Variants in KDM4C observed in about 807,000 individuals in gnomAD.
KDM4C encodes the protein lysine-specific demethylase 4C.
KDM4C carries 81 observed loss-of-function variants against 129.3 expected under a neutral mutation model. That is an observed-to-expected ratio of 0.63 (90% CI 0.52 to 0.75). The LOEUF (loss-of-function observed/expected upper bound fraction) is 0.75, where lower values mean the gene tolerates loss of function less well. KDM4C is among the 30% of genes least tolerant of loss of function. KDM4C has a pLI of 0.00. For synonymous variants in KDM4C, 573 were observed against 456.1 expected (o/e 1.26, Z -3.26); for missense variants, 1,457 against 1,304.0 (o/e 1.12, Z -1.81).
chr9:7,104,592 T>G (rs1234415983), intron 18 of KDM4C, among the ~76,000 whole-genome samples: 2 of 144,732 alleles, frequency 1.4e-5, no homozygotes, highest in East Asian at 2.1e-4. Flanking sequence ...TCCTGTGTTT[T>G]AAATGCTTAG....
chr9:7,132,062 C>T (rs889094034), intron 19 of KDM4C, among the ~76,000 whole-genome samples: 3 of 152,200 alleles, frequency 2.0e-5, no homozygotes, highest in Admixed American at 6.5e-5. Context: ...AGAACTAGTT[C>T]TCTAAGCCTC....
chr9:7,090,424 A>C (rs60898918), intron 17 of KDM4C, among the ~76,000 whole-genome samples: 98 of 152,352 alleles, frequency 6.4e-4, no homozygotes, highest in African/African-American at 2.2e-3. Flanking sequence ...TGGTAGAAAG[A>C]TTCAAGAAGC....
chr9:6,749,703 C>G (rs970769289), intron 1 of KDM4C, among the ~76,000 whole-genome samples: 4 of 151,776 alleles, frequency 2.6e-5, no homozygotes, highest in African/African-American at 7.3e-5. Flanking sequence ...AAAAGGTAAC[C>G]TGGCTGGGCG....
intron 12 of KDM4C, among the ~76,000 whole-genome samples, chr9:7,006,750 A>G (rs547851847): frequency 2.6e-5 from 4 of 152,242 alleles, no homozygotes; most frequent in Non-Finnish European, 5.9e-5. Context: ...AGCTATTTCT[A>G]CTACCTTTGT....
chr9:6,869,328 C>G (rs1315917651), intron 5 of KDM4C, among the ~76,000 whole-genome samples: 3 of 152,204 alleles, frequency 2.0e-5, no homozygotes, highest in Non-Finnish European at 4.4e-5. Flanking sequence ...ATCTCAGGTT[C>G]TGTAGGGCCT....
chr9:6,971,073 T>A (rs1294219526), intron 8 of KDM4C, among the ~76,000 whole-genome samples: 1 of 152,156 alleles, frequency 6.6e-6, no homozygotes, highest in East Asian at 1.9e-4. Flanking sequence ...TTTAAAAAAA[T>A]TTTTGTGCCA....
intron 12 of KDM4C, among the ~76,000 whole-genome samples, chr9:7,001,250 T>C (rs1384713965): frequency 6.6e-6 from 1 of 152,248 alleles, no homozygotes; most frequent in East Asian, 1.9e-4. Context: ...TGTTTTGTTT[T>C]ACAGAGATTT....
chr9:6,757,866 C>T (rs1376071057), upstream of KDM4C: 4 of 985,476 alleles, frequency 4.1e-6, no homozygotes, highest in Non-Finnish European at 4.8e-6. Flanking sequence ...GAAGTTGAGC[C>T]CAAAGCAAGA....
intron 4 of KDM4C, among the ~76,000 whole-genome samples, chr9:6,815,826 A>G (rs149510736): frequency 1.3e-5 from 2 of 152,300 alleles, no homozygotes; most frequent in East Asian, 3.9e-4. Flanking sequence ...GGTAAGGGAT[A>G]CTTGATCTAT....
At chr9:6,825,420 C>T (rs958940132) in intron 4 of KDM4C, among the ~76,000 whole-genome samples, 1 of 152,172 alleles carries the variant, frequency 6.6e-6, no homozygotes, top group African/African-American at 2.4e-5. Context: ...ATCTATTGCA[C>T]ATAGATGATG....
At chr9:6,777,552 A>G (rs914838416) in intron 1 of KDM4C, among the ~76,000 whole-genome samples, 5 of 152,118 alleles carry the variant, frequency 3.3e-5, no homozygotes, top group African/African-American at 1.2e-4. Flanking sequence ...TGTGTTTTAC[A>G]TTTTTGAGAT....
intron 8 of KDM4C, among the ~76,000 whole-genome samples, chr9:6,964,770 A>G: frequency 8.0e-6 from 1 of 124,538 alleles, no homozygotes; most frequent in Non-Finnish European, 1.6e-5. Context: ...GGACAGAGTG[A>G]GACTCCGTCT....
intron 8 of KDM4C, among the ~76,000 whole-genome samples, chr9:6,928,593 T>C (rs1302484768): frequency 6.7e-6 from 1 of 148,946 alleles, no homozygotes; most frequent in Non-Finnish European, 1.5e-5. Context: ...ATATCACCTA[T>C]GTCCTCTTTT....
chr9:7,118,573 A>G (rs1039949650), intron 18 of KDM4C, among the ~76,000 whole-genome samples: 5 of 152,194 alleles, frequency 3.3e-5, no homozygotes, highest in Non-Finnish European at 7.3e-5. Flanking sequence ...AAAAAATACA[A>G]TAATAATATT....
At chr9:7,005,327 C>G (rs1224723488) in intron 12 of KDM4C, among the ~76,000 whole-genome samples, 1 of 150,024 alleles carries the variant, frequency 6.7e-6, no homozygotes, top group Admixed American at 6.7e-5. Context: ...CCCAGCTACT[C>G]GGGAGGCTGA....
intron 8 of KDM4C, among the ~76,000 whole-genome samples, chr9:6,953,135 G>C (rs929823049): frequency 1.3e-5 from 2 of 152,178 alleles, no homozygotes; most frequent in African/African-American, 4.8e-5. Flanking sequence ...AGCTGGAGTA[G>C]GCAGTAGATC....
chr9:6,758,395 G>C lies in KDM4C; in HGVS notation c.-18+192G>C, dbSNP rs1378778864. On this transcript the variant is annotated intron_variant, in intron 1 of 21. Transcript: ENST00000381309. This position sits in a 1 kb window ranked among gnomAD's most constrained non-coding sequence, Gnocchi z 4.6. ...GAGGGAGCGGCCGGCCGCGGCCGCA[G>C]GGGAGGGATGCGGGGGCCGGTGACA... is the stretch of plus-strand genomic sequence containing the variant. Among the ~76,000 whole-genome samples the C allele has an allele frequency of 6.6e-6, 1 of 152,182 alleles. No individual in the cohort carries two copies. Among genetic ancestry groups the C allele is most frequent in the Non-Finnish European group, 1.5e-5 (1 of 68,008 alleles).
chr9:6,936,192 T>C (rs914958880), intron 8 of KDM4C, among the ~76,000 whole-genome samples: 2 of 152,324 alleles, frequency 1.3e-5, no homozygotes, highest in Non-Finnish European at 2.9e-5. Flanking sequence ...AGATATCTTG[T>C]GATTTCAGGA....
chr9:6,763,247 C>A (rs190427411), intron 1 of KDM4C, among the ~76,000 whole-genome samples: 1 of 152,204 alleles, frequency 6.6e-6, no homozygotes, highest in Non-Finnish European at 1.5e-5. Flanking sequence ...TCCTACCAAA[C>A]TCATCTTTCT....
Sources: gnomAD v4.1 joint callset for allele counts (sites outside exome capture counted in the v4.1 genomes callset) on GRCh38, gnomAD v4.1.1 for gene constraint, Gnocchi (gnomAD v3.1) non-coding constraint, MANE v1.5 for transcripts, NCBI Gene and HGNC (gene_info 2026-07-23, HGNC 2026-07-21) for gene names.